Variants in ZNF430 observed in about 807,000 individuals in gnomAD.
The protein encoded by ZNF430 is zinc finger protein 430.
ZNF430 carries 35 observed loss-of-function variants against 56.7 expected under a neutral mutation model. The observed-to-expected ratio is 0.62, with a 90% CI of 0.47 to 0.82. ZNF430 has a LOEUF of 0.82. Ranked by LOEUF, ZNF430 falls within the 40% of genes least tolerant of loss-of-function variation. The pLI is 0.00. For synonymous variants in ZNF430, 212 were observed against 224.3 expected, an observed-to-expected ratio of 0.94 and a Z score of 0.49; for missense variants, 574 against 661.0, an observed-to-expected ratio of 0.87 and a Z score of 1.44.
chr19:21,033,423 T>TA (rs755851743), intron 2 of ZNF430, 33 bp from the exon 3 acceptor site: 4 of 1,591,486 alleles, frequency 2.5e-6, no homozygotes, highest in Non-Finnish European at 3.4e-6. Flanking sequence ...ACTTGGTAAA[T>TA]ATACGTGTGT....
At chr19:21,038,135 T>C (rs1269666529) in intron 4 of ZNF430, among the ~76,000 whole-genome samples, 2 of 152,166 alleles carry the variant, frequency 1.3e-5, no homozygotes, top group Non-Finnish European at 2.9e-5. Flanking sequence ...AAGACCAATG[T>C]CATGTCTTCT....
Position 21,027,671 on chromosome 19 carries a change from A to T in ZNF430, c.96+4790A>T, listed in dbSNP as rs74447750. ...TCTTATATATAATGAGTTGAAAAGG[A>T]GTCCTTTCTTTTCAATATTTTGAAG... On this transcript the variant is annotated intron_variant, in intron 2 of 4. Coordinates refer to ENST00000261560, the MANE Select transcript of ZNF430 (RefSeq NM_025189.4). Among the ~76,000 whole-genome samples, 182 of 152,000 alleles carry T rather than the reference A, an allele frequency of 1.2e-3. 3 individuals carry two copies. In the East Asian group the frequency reaches 0.031, roughly 26 times the overall value.
Position 21,059,009 on chromosome 19 carries a change from G to C in ZNF430, c.*988G>C, listed in dbSNP as rs1445858642. 6.6e-6 allele frequency: 1 copy of C among 151,832 alleles called. No homozygotes were observed. The highest frequency in any genetic ancestry group is 1.9e-4 in the East Asian group (1 of 5,180). 9.4% of individuals were successfully genotyped at this position (151,832 alleles called of 1,614,324 possible). ...TTGCTCAAACTTTGTTCAACATCAGGGAATTTATATTGAAGAAAAACTTTG... is the reference window on the plus strand; with the variant it reads ...TTGCTCAAACTTTGTTCAACATCAGCGAATTTATATTGAAGAAAAACTTTG... On this transcript the variant is annotated 3_prime_UTR_variant, in exon 5 of 5. Transcript: ENST00000261560.
At chr19:21,038,640 G>T (rs979844289) in intron 4 of ZNF430, among the ~76,000 whole-genome samples, 1 of 151,950 alleles carries the variant, frequency 6.6e-6, no homozygotes, top group Admixed American at 6.6e-5. Context: ...TGTTGACCAG[G>T]CTGGTCTCAA....
intron 4 of ZNF430, among the ~76,000 whole-genome samples, chr19:21,041,143 T>G (rs1444476282): frequency 1.3e-5 from 2 of 152,214 alleles, no homozygotes; most frequent in Non-Finnish European, 2.9e-5. Flanking sequence ...TTTATCTATT[T>G]TTGAGATAGA....
intron 3 of ZNF430, 31 bp downstream of exon 3, chr19:21,033,613 T>C: frequency 6.3e-7 from 1 of 1,578,024 alleles, no homozygotes; most frequent in Non-Finnish European, 8.6e-7. Flanking sequence ...CAATTACTAG[T>C]ATACCCTAAA....
intron 2 of ZNF430, among the ~76,000 whole-genome samples, chr19:21,029,837 T>C (rs1359639606): frequency 1.3e-5 from 2 of 152,128 alleles, no homozygotes; most frequent in Non-Finnish European, 2.9e-5. Flanking sequence ...TGGTGGCACA[T>C]GCCTGTAATC....
intron 4 of ZNF430, among the ~76,000 whole-genome samples, chr19:21,048,641 TTTCTA>T: frequency 6.6e-6 from 1 of 152,310 alleles, no homozygotes; most frequent in South Asian, 2.1e-4. Flanking sequence ...ATTCCCCCCT[TTTCTA>T]TTCGACAAAA....
intron 4 of ZNF430, among the ~76,000 whole-genome samples, chr19:21,052,343 C>T (rs1318004404): frequency 1.3e-5 from 2 of 152,278 alleles, no homozygotes; most frequent in African/African-American, 2.4e-5. Context: ...TTGTTTTATA[C>T]TGCCTTCAAG....
At chr19:21,031,454 G>A (rs1212497566) in intron 2 of ZNF430, among the ~76,000 whole-genome samples, 1 of 152,084 alleles carries the variant, frequency 6.6e-6, no homozygotes, top group East Asian at 1.9e-4. Context: ...TTCCATTACT[G>A]TAGCAGAAAT....
intron 2 of ZNF430, among the ~76,000 whole-genome samples, chr19:21,023,535 A>C (rs1393479067): frequency 6.6e-6 from 1 of 152,178 alleles, no homozygotes; most frequent in South Asian, 2.1e-4. Context: ...GAGTTTAGGA[A>C]TTTTCTCAGG....
At chr19:21,050,452 A>G (rs1182483384) in intron 4 of ZNF430, among the ~76,000 whole-genome samples, 1 of 152,174 alleles carries the variant, frequency 6.6e-6, no homozygotes, top group Non-Finnish European at 1.5e-5. Context: ...TGCCAATATA[A>G]TTATCTCTTT....
At chr19:21,035,276 TC>T (rs1967975981) in intron 4 of ZNF430, 1 of 152,192 alleles carries the variant, frequency 6.6e-6, no homozygotes. Flanking sequence ...ATTTTTTACT[TC>T]CTTGTTCTCA....
intron 4 of ZNF430, among the ~76,000 whole-genome samples, chr19:21,048,367 T>C (rs1352974250): frequency 2.0e-5 from 3 of 150,458 alleles, no homozygotes; most frequent in Non-Finnish European, 3.0e-5. Context: ...GTACTTGAGA[T>C]TAGGGAGTGG....
Position 21,058,225 on chromosome 19 carries a change from A to G in ZNF430, c.*204A>G. The G allele has an allele frequency of 1.8e-6, 1 of 564,500 alleles. No homozygotes were observed. The highest frequency in any genetic ancestry group is 3.1e-6 in the Non-Finnish European group (1 of 322,598). The allele number at this position is 564,500 out of a possible 1,614,324, so 35.0% of individuals were successfully genotyped here. A position where few individuals can be genotyped will look rare whatever the true frequency, so the allele number is the denominator to read the frequency against. ...TTTGGGAGGCTGAGACGGGTGAATT[A>G]CATGAGGTTGGGAGTTCGAGACCAG... is the stretch of plus-strand genomic sequence containing the variant. On this transcript the variant is annotated 3_prime_UTR_variant, in exon 5 of 5. Coordinates refer to ENST00000261560, the MANE Select transcript of ZNF430 (RefSeq NM_025189.4).
chr19:21,020,891 G>A, intron 1 of ZNF430, 88 bp downstream of exon 1: 1 of 1,569,322 alleles, frequency 6.4e-7, no homozygotes, highest in Non-Finnish European at 8.8e-7. Flanking sequence ...CAGGCCTCCC[G>A]GCAGTCAGCT....
In ZNF430 at chr19:21,057,150, T is replaced by C. The variant is rs775831110; in HGVS notation, c.842T>C (p.Ile281Thr). 3.1e-6 allele frequency: 5 copies of C among 1,613,392 alleles called. No homozygotes were observed. The highest frequency in any genetic ancestry group is 4.2e-6 in the Non-Finnish European group (5 of 1,179,882). The change falls in exon 5 of 5, where the codon ATA (isoleucine) becomes ACA (threonine). Residue 281 changes from isoleucine to threonine, a missense_variant. By Grantham distance (89) the Ile-to-Thr change is moderately conservative. This residue lies in a region of ZNF430 where 346 missense variants were observed against 399.1 expected (regional missense o/e 0.87). Coordinates refer to ENST00000261560, the MANE Select transcript of ZNF430 (RefSeq NM_025189.4). ...TCCTCAACCCTTACTACACATAAGA[T>C]AATTCATACTGGAGAGAAACCCTAC... ...KQSSTLTTHK[I>T]IHTGEKPYRC...
chr19:21,033,347 A>G (rs7252277), intron 2 of ZNF430, 109 bp from the exon 3 acceptor site: 1,325,358 of 1,422,160 alleles, frequency 0.93, 618,149 homozygotes, highest in Middle Eastern at 0.97. Flanking sequence ...ATTCCTGCAA[A>G]TCAGAACCAA....
intron 4 of ZNF430, among the ~76,000 whole-genome samples, chr19:21,047,884 C>T (rs1968207607): frequency 6.6e-6 from 1 of 152,190 alleles, no homozygotes; most frequent in Non-Finnish European, 1.5e-5. Flanking sequence ...CTGTGCTGCA[C>T]TGAGGGAAAT....
Sources: gnomAD v4.1 joint callset for allele counts (sites outside exome capture counted in the v4.1 genomes callset) on GRCh38, gnomAD v4.1.1 for gene constraint, gnomAD v4.1.1 regional missense constraint, MANE v1.5 for transcripts, NCBI Gene and HGNC (gene_info 2026-07-23, HGNC 2026-07-21) for gene names.